The following FMNL2 variants were observed in gnomAD, a reference collection of about 807,000 sequenced individuals.
FMNL2 encodes formin-like protein 2.
Under a neutral mutation model 130.2 loss-of-function variants are expected in FMNL2, and 51 were observed. That is an observed-to-expected ratio of 0.39 (90% CI 0.31 to 0.49). The LOEUF is 0.49. Ranked by LOEUF, FMNL2 falls within the 20% of genes least tolerant of loss-of-function variation. The pLI is 0.85. For synonymous variants in FMNL2, 465 were observed against 467.1 expected, an observed-to-expected ratio of 1.00 and a Z score of 0.06; for missense variants, 977 against 1,316.2, an observed-to-expected ratio of 0.74 and a Z score of 3.99.
chr2:152,390,252 C>T, intron 1 of FMNL2: 1 of 1,451,242 alleles, frequency 6.9e-7, no homozygotes, highest in South Asian at 1.2e-5. Context: ...CATCCAGGGG[C>T]AGCACCTCCG....
chr2:152,446,085 C>T (rs1445952641), intron 1 of FMNL2, among the ~76,000 whole-genome samples: 6 of 152,072 alleles, frequency 3.9e-5, no homozygotes, highest in African/African-American at 1.5e-4. Context: ...GAAATTAGAC[C>T]ATGTGTGTGG....
chr2:152,546,946 C>CTTT (rs34129916), intron 3 of FMNL2, among the ~76,000 whole-genome samples: 2 of 135,782 alleles, frequency 1.5e-5, no homozygotes, highest in Non-Finnish European at 1.6e-5. Flanking sequence ...TGCCCCCATT[C>CTTT]TTTTTTTTTT....
At chr2:152,642,147 A>C (rs942240829) in intron 25 of FMNL2, among the ~76,000 whole-genome samples, 3 of 152,178 alleles carry the variant, frequency 2.0e-5, no homozygotes, top group Non-Finnish European at 2.9e-5. Context: ...TCACCGTGTT[A>C]GCCAGGATGG....
intron 1 of FMNL2, among the ~76,000 whole-genome samples, chr2:152,413,460 C>T (rs1422384447): frequency 6.6e-6 from 1 of 152,094 alleles, no homozygotes; most frequent in African/African-American, 2.4e-5. Context: ...TACTGCTAAC[C>T]AAACAGTAGT....
At chr2:152,591,024 T>TTTTTTTTTTTTTTG (rs1558989613) in intron 9 of FMNL2, among the ~76,000 whole-genome samples, 11 of 94,954 alleles carry the variant, frequency 1.2e-4, no homozygotes, top group Non-Finnish European at 1.6e-4. Flanking sequence ...TTTTTTTTTT[T>TTTTTTTTTTTTTTG]GAGACAGCAT....
intron 1 of FMNL2, 36 bp downstream of exon 1, chr2:152,335,756 G>A (rs768088540): frequency 1.5e-5 from 22 of 1,473,384 alleles, no homozygotes; most frequent in Admixed American, 7.2e-5. Flanking sequence ...CGGGGACCCG[G>A]GGCCCCGGGC....
chr2:152,412,490 ATATATATATAT>A (rs1686372246), intron 1 of FMNL2, among the ~76,000 whole-genome samples: 8 of 54,986 alleles, frequency 1.5e-4, no homozygotes, highest in African/African-American at 3.9e-4. Flanking sequence ...ATATATATAT[ATATATATATAT>A]AAATTAGAAA....
At chr2:152,376,080 G>A (rs2105878975) in intron 1 of FMNL2, among the ~76,000 whole-genome samples, 1 of 151,840 alleles carries the variant, frequency 6.6e-6, no homozygotes, top group South Asian at 2.1e-4. Context: ...TTTTAGTAGA[G>A]ACGGGGTTTC....
intron 1 of FMNL2, among the ~76,000 whole-genome samples, chr2:152,458,322 T>C (rs1405614449): frequency 6.6e-6 from 1 of 152,172 alleles, no homozygotes; most frequent in African/African-American, 2.4e-5. Context: ...GAGAACTCCA[T>C]AGTGGGGTCC....
intron 1 of FMNL2, among the ~76,000 whole-genome samples, chr2:152,506,854 T>G (rs1193308090): frequency 6.6e-6 from 1 of 152,252 alleles, no homozygotes; most frequent in Non-Finnish European, 1.5e-5. Flanking sequence ...AAAACTCATT[T>G]TATTCTTCTA....
At chr2:152,519,872 G>T (rs1692985935) in intron 1 of FMNL2, among the ~76,000 whole-genome samples, 3 of 152,128 alleles carry the variant, frequency 2.0e-5, no homozygotes, top group Non-Finnish European at 4.4e-5. Flanking sequence ...AAGAGGAAAA[G>T]AACTCATTTA....
intron 1 of FMNL2, among the ~76,000 whole-genome samples, chr2:152,339,659 T>G (rs1279247016): frequency 6.6e-6 from 1 of 152,174 alleles, no homozygotes; most frequent in African/African-American, 2.4e-5. Context: ...GAAGTAATGG[T>G]TTAGGGCAGT....
intron 1 of FMNL2, among the ~76,000 whole-genome samples, chr2:152,344,891 C>T (rs1051508001): frequency 2.6e-5 from 4 of 152,106 alleles, no homozygotes; most frequent in African/African-American, 2.4e-5. Context: ...AATTGGCATG[C>T]TTATATAAGC....
intron 21 of FMNL2, 50 bp from the exon 22 acceptor site, chr2:152,636,377 G>T (rs1171402582): frequency 1.3e-6 from 2 of 1,565,928 alleles, no homozygotes; most frequent in South Asian, 2.4e-5. Flanking sequence ...ATTCGCTGTG[G>T]TTGTGACTTC....
At chr2:152,430,211 CAA>C (rs1425221156) in intron 1 of FMNL2, among the ~76,000 whole-genome samples, 1 of 152,164 alleles carries the variant, frequency 6.6e-6, no homozygotes, top group Non-Finnish European at 1.5e-5. Context: ...ATGTGGAAGT[CAA>C]GAGACTGTAC....
At chr2:152,451,400 G>A (rs1446379207) in intron 1 of FMNL2, among the ~76,000 whole-genome samples, 2 of 151,916 alleles carry the variant, frequency 1.3e-5, no homozygotes, top group Admixed American at 6.6e-5. Context: ...TGCCCACCTC[G>A]GCCTCCCAAA....
intron 2 of FMNL2, among the ~76,000 whole-genome samples, chr2:152,530,932 A>G (rs1693652923): frequency 6.6e-6 from 1 of 152,224 alleles, no homozygotes; most frequent in Non-Finnish European, 1.5e-5. Context: ...AAAACTAATT[A>G]GAAATATGGT....
At chr2:152,421,895 C>G (rs1218370875) in intron 1 of FMNL2, among the ~76,000 whole-genome samples, 1 of 152,200 alleles carries the variant, frequency 6.6e-6, no homozygotes, top group African/African-American at 2.4e-5. Context: ...TACTGCACTA[C>G]TGTGTTTGAT....
intron 1 of FMNL2, among the ~76,000 whole-genome samples, chr2:152,477,289 C>T (rs544864143): frequency 6.6e-6 from 1 of 152,330 alleles, no homozygotes; most frequent in East Asian, 1.9e-4. Flanking sequence ...CATTAGCCTT[C>T]ACTTTTGGAG....
Sources: gnomAD v4.1 joint callset for allele counts (sites outside exome capture counted in the v4.1 genomes callset) on GRCh38, gnomAD v4.1.1 for gene constraint, MANE v1.5 for transcripts, NCBI Gene and HGNC (gene_info 2026-07-23, HGNC 2026-07-21) for gene names.